The following EMC2 variants were observed in gnomAD, a reference collection of about 807,000 sequenced individuals.
The protein encoded by EMC2 is ER membrane protein complex subunit 2.
A neutral mutation model predicts 51.6 loss-of-function variants in EMC2; 37 were observed. That is an observed-to-expected ratio of 0.72 (90% CI 0.55 to 0.94). The LOEUF is 0.94. EMC2 is among the 40% of genes least tolerant of loss of function. The pLI, the probability that EMC2 is intolerant of heterozygous loss-of-function variation, is 0.00. For missense variants in EMC2, 359 were observed against 350.9 expected, an observed-to-expected ratio of 1.02 and a Z score of -0.18; for synonymous variants, 131 against 112.4, an observed-to-expected ratio of 1.17 and a Z score of -1.04.
chr8:108,476,728 T>C, intron 8 of EMC2, 54 bp from the exon 9 acceptor site: 1 of 788,064 alleles, frequency 1.3e-6, no homozygotes. Flanking sequence ...GAAACCATGC[T>C]ATATTTCAAA....
intron 7 of EMC2, among the ~76,000 whole-genome samples, chr8:108,472,046 A>G (rs1009495478): frequency 6.6e-6 from 1 of 152,012 alleles, no homozygotes; most frequent in African/African-American, 2.4e-5. Context: ...TGTCAAAAGT[A>G]TATCCTTGTT....
At chr8:108,466,960 C>T (rs1446596814) in intron 5 of EMC2, among the ~76,000 whole-genome samples, 1 of 151,982 alleles carries the variant, frequency 6.6e-6, no homozygotes, top group Non-Finnish European at 1.5e-5. Context: ...TATTAAGTGT[C>T]CAGAGAGCAA....
intron 5 of EMC2, chr8:108,464,157 A>T (rs968606549): frequency 6.6e-6 from 1 of 152,248 alleles, no homozygotes; most frequent in African/African-American, 2.4e-5. Context: ...TGAATCCCAC[A>T]GTTAACACTC....
intron 5 of EMC2, among the ~76,000 whole-genome samples, chr8:108,464,788 A>C (rs1217639096): frequency 6.6e-6 from 1 of 152,232 alleles, no homozygotes; most frequent in Admixed American, 6.5e-5. Flanking sequence ...AATACACCCG[A>C]GTGCACAGTC....
At chr8:108,455,651 C>A (rs1819132962) in intron 4 of EMC2, among the ~76,000 whole-genome samples, 3 of 151,944 alleles carry the variant, frequency 2.0e-5, no homozygotes, top group African/African-American at 7.3e-5. Context: ...TCTATAAGTA[C>A]TATATACATG....
intron 5 of EMC2, among the ~76,000 whole-genome samples, chr8:108,459,721 A>AGAGTGTGTGT (rs763020311): frequency 1.8e-4 from 25 of 136,966 alleles, no homozygotes; most frequent in African/African-American, 6.8e-4. Flanking sequence ...AGAGAGAGAG[A>AGAGTGTGTGT]GTGTGTGTGT....
Position 108,488,834 on chromosome 8 carries a change from A to G in EMC2, c.*2236A>G, listed in dbSNP as rs1039004326. Among the ~76,000 whole-genome samples, 1 of 152,220 alleles carries G rather than the reference A, an allele frequency of 6.6e-6. No individual in the cohort carries two copies. Among genetic ancestry groups the G allele is most frequent in the South Asian group, 2.1e-4 (1 of 4,832 alleles). Reference sequence around the variant, plus strand: ...CTCTCTATTGTGGTAGCTACTAACCATATGTGATATTGAGTACTTGATATG... The same window carrying G: ...CTCTCTATTGTGGTAGCTACTAACCGTATGTGATATTGAGTACTTGATATG... On this transcript the variant is annotated 3_prime_UTR_variant, in exon 11 of 11. Coordinates refer to ENST00000220853, the MANE Select transcript of EMC2 (RefSeq NM_014673.5).
chr8:108,470,186 CTG>C, intron 7 of EMC2, 65 bp downstream of exon 7: 3 of 1,107,086 alleles, frequency 2.7e-6, no homozygotes, highest in Non-Finnish European at 4.1e-6. Flanking sequence ...TCAGAAAGCA[CTG>C]TGGTTTCCAA....
At chr8:108,444,828 C>T (rs1270420777) in intron 1 of EMC2, among the ~76,000 whole-genome samples, 1 of 152,146 alleles carries the variant, frequency 6.6e-6, no homozygotes. Flanking sequence ...AAAATCTTGG[C>T]TCTGTCAACA....
At position 108,488,357 on chromosome 8, in the gene EMC2, A is replaced by G. The variant is rs946591306; in HGVS notation, c.*1759A>G. ...GTATTTTTAGTAGAGATGGGGTTTCACCATGTTGGCCAGGCTGGTCTGAAA... is the reference window on the plus strand; with the variant it reads ...GTATTTTTAGTAGAGATGGGGTTTCGCCATGTTGGCCAGGCTGGTCTGAAA... On this transcript the variant is annotated 3_prime_UTR_variant, in exon 11 of 11. Transcript: ENST00000220853. Among the ~76,000 whole-genome samples the G allele has an allele frequency of 2.6e-5, 4 of 151,678 alleles. No individual in the cohort carries two copies. The highest frequency in any genetic ancestry group is 4.8e-5 in the African/African-American group (2 of 41,296).
chr8:108,455,121 G>A (rs1819119355), intron 4 of EMC2, among the ~76,000 whole-genome samples: 1 of 151,888 alleles, frequency 6.6e-6, no homozygotes, highest in Admixed American at 6.6e-5. Flanking sequence ...TCTATCATAA[G>A]TTTAGGAAAA....
chr8:108,485,995 C>A (rs1489375516), intron 10 of EMC2, among the ~76,000 whole-genome samples: 2 of 151,548 alleles, frequency 1.3e-5, no homozygotes, highest in Non-Finnish European at 1.5e-5. Context: ...ACTAATAAAT[C>A]TGGAAACTTA....
At chr8:108,475,342 T>C (rs1810928417) in intron 7 of EMC2, 1 of 152,256 alleles carries the variant, frequency 6.6e-6, no homozygotes, top group African/African-American at 2.4e-5. Context: ...TTTCATGGGC[T>C]TAGAAATTTA....
intron 5 of EMC2, among the ~76,000 whole-genome samples, chr8:108,459,279 G>A (rs1231723019): frequency 1.3e-5 from 2 of 152,094 alleles, no homozygotes. Context: ...CAGTTCCAAA[G>A]TTGCTTCCAC....
intron 9 of EMC2, among the ~76,000 whole-genome samples, chr8:108,478,750 C>G (rs182417955): frequency 5.2e-4 from 79 of 151,904 alleles, no homozygotes; most frequent in African/African-American, 1.9e-3. Flanking sequence ...AGAGCTGTTA[C>G]AGGTACATAA....
At chr8:108,484,976 C>CT (rs1337772802) in intron 10 of EMC2, among the ~76,000 whole-genome samples, 2 of 151,896 alleles carry the variant, frequency 1.3e-5, no homozygotes, top group Non-Finnish European at 2.9e-5. Context: ...TTATGAGAAG[C>CT]TTTTTTTCTT....
intron 7 of EMC2, chr8:108,474,011 G>C (rs1810904771): frequency 6.6e-6 from 1 of 151,960 alleles, no homozygotes; most frequent in Non-Finnish European, 1.5e-5. Flanking sequence ...AGAAAAGCTG[G>C]ACTAGACCAT....
intron 7 of EMC2, among the ~76,000 whole-genome samples, chr8:108,471,908 TA>T (rs1810864416): frequency 6.6e-6 from 1 of 152,000 alleles, no homozygotes; most frequent in Admixed American, 6.6e-5. Flanking sequence ...CAGCATTTAC[TA>T]GAGTCCCTCT....
chr8:108,453,004 C>A, intron 3 of EMC2, 58 bp from the exon 4 acceptor site: 2 of 830,748 alleles, frequency 2.4e-6, no homozygotes, highest in Admixed American at 2.5e-5. Flanking sequence ...TATAGGCCAT[C>A]CATTGTAGCC....
Sources: gnomAD v4.1 joint callset for allele counts (sites outside exome capture counted in the v4.1 genomes callset) on GRCh38, gnomAD v4.1.1 for gene constraint, MANE v1.5 for transcripts, NCBI Gene and HGNC (gene_info 2026-07-23, HGNC 2026-07-21) for gene names.